The following ADAMTSL3 variants were observed in gnomAD, a reference collection of about 807,000 sequenced individuals.
ADAMTSL3 encodes ADAMTS-like protein 3.
A neutral mutation model predicts 201.7 loss-of-function variants in ADAMTSL3; 128 were observed. The ratio of observed to expected loss-of-function variants is 0.63; its 90% CI spans 0.55 to 0.73. The LOEUF (loss-of-function observed/expected upper bound fraction) is 0.73. ADAMTSL3 is among the 30% of genes least tolerant of loss of function. The probability of loss-of-function intolerance (pLI) is 0.00; values close to 1 mark genes in which losing one functional copy is unlikely to be tolerated. For missense variants in ADAMTSL3, 1,990 were observed against 2,119.6 expected (o/e 0.94, Z 1.20); for synonymous variants, 738 against 748.4 (o/e 0.99, Z 0.23).
intron 5 of ADAMTSL3, among the ~76,000 whole-genome samples, chr15:83,810,295 C>A (rs1232510983): frequency 6.6e-6 from 1 of 152,178 alleles, no homozygotes; most frequent in East Asian, 1.9e-4. Context: ...AATTAACATT[C>A]ATTCATTGTG....
intron 3 of ADAMTSL3, among the ~76,000 whole-genome samples, chr15:83,753,186 C>CA (rs2062665757): frequency 6.6e-6 from 1 of 152,180 alleles, no homozygotes; most frequent in African/African-American, 2.4e-5. Flanking sequence ...CTGAACCATG[C>CA]AGCAGTCATC....
intron 26 of ADAMTSL3, among the ~76,000 whole-genome samples, chr15:84,022,817 G>T (rs2068229827): frequency 1.3e-5 from 2 of 152,072 alleles, no homozygotes; most frequent in South Asian, 4.2e-4. Flanking sequence ...TTCCATGCTG[G>T]TCTTTTTTTG....
intron 3 of ADAMTSL3, among the ~76,000 whole-genome samples, chr15:83,772,474 A>G (rs2063000456): frequency 6.6e-6 from 1 of 152,146 alleles, no homozygotes; most frequent in African/African-American, 2.4e-5. Context: ...AATTAAGTCA[A>G]TGGTGGAAAG....
chr15:83,958,406 C>T (rs1437870455), intron 19 of ADAMTSL3, among the ~76,000 whole-genome samples: 2 of 152,132 alleles, frequency 1.3e-5, no homozygotes, highest in African/African-American at 4.8e-5. Flanking sequence ...AAGAGATGTT[C>T]AGATCCTTGG....
At chr15:83,838,504 A>G (rs1033630269) in intron 7 of ADAMTSL3, among the ~76,000 whole-genome samples, 2 of 152,142 alleles carry the variant, frequency 1.3e-5, no homozygotes, top group African/African-American at 4.8e-5. Flanking sequence ...AATTTCTTTT[A>G]TTTGTCTTCC....
chr15:83,728,225 C>G (rs972047180), intron 3 of ADAMTSL3, among the ~76,000 whole-genome samples: 5 of 150,968 alleles, frequency 3.3e-5, no homozygotes, highest in Admixed American at 1.3e-4. Context: ...TTTTTCATCC[C>G]TTTTTTTCAG....
chr15:83,792,837 T>A (rs546511881), intron 4 of ADAMTSL3, among the ~76,000 whole-genome samples: 5 of 151,826 alleles, frequency 3.3e-5, no homozygotes, highest in Middle Eastern at 3.4e-3. Flanking sequence ...CACTATTGGA[T>A]ATATATCCAA....
chr15:83,925,284 A>G (rs958492429), intron 17 of ADAMTSL3, among the ~76,000 whole-genome samples: 1 of 152,174 alleles, frequency 6.6e-6, no homozygotes, highest in African/African-American at 2.4e-5. Context: ...CACACCCGCC[A>G]TGTAATGTAG....
chr15:83,934,517 C>T (rs1238227682), intron 17 of ADAMTSL3, among the ~76,000 whole-genome samples: 1 of 152,146 alleles, frequency 6.6e-6, no homozygotes, highest in East Asian at 1.9e-4. Context: ...TAGGCCAATG[C>T]TGGAATGAAT....
intron 1 of ADAMTSL3, 122 bp from the exon 2 acceptor site, chr15:83,655,607 A>T: frequency 1.4e-6 from 1 of 720,550 alleles, no homozygotes; most frequent in Non-Finnish European, 2.3e-6. Context: ...CTGGGCCAAC[A>T]CAAACCTTTC....
intron 3 of ADAMTSL3, among the ~76,000 whole-genome samples, chr15:83,756,104 G>T (rs1462537206): frequency 6.6e-6 from 1 of 152,190 alleles, no homozygotes; most frequent in African/African-American, 2.4e-5. Context: ...CAGTGGAATT[G>T]CTGGATCATA....
intron 4 of ADAMTSL3, among the ~76,000 whole-genome samples, chr15:83,777,320 C>T (rs1311673517): frequency 6.6e-6 from 1 of 152,226 alleles, no homozygotes; most frequent in Non-Finnish European, 1.5e-5. Context: ...ATGGATCCCA[C>T]TGTCATCAAG....
chr15:83,688,660 T>A (rs1199965764), intron 2 of ADAMTSL3, among the ~76,000 whole-genome samples: 1 of 151,934 alleles, frequency 6.6e-6, no homozygotes, highest in Non-Finnish European at 1.5e-5. Context: ...TCCTCCTTAT[T>A]TATCTATTGA....
At chr15:83,997,501 A>G (rs2067709578) in intron 23 of ADAMTSL3, among the ~76,000 whole-genome samples, 1 of 152,198 alleles carries the variant, frequency 6.6e-6, no homozygotes, top group Non-Finnish European at 1.5e-5. Flanking sequence ...AGGCAGGAGA[A>G]TCGCTTGAAC....
intron 2 of ADAMTSL3, among the ~76,000 whole-genome samples, chr15:83,693,632 A>G (rs1367099178): frequency 6.6e-6 from 1 of 152,196 alleles, no homozygotes; most frequent in African/African-American, 2.4e-5. Context: ...TCTGCCCTGA[A>G]CACTCTATTT....
intron 17 of ADAMTSL3, among the ~76,000 whole-genome samples, chr15:83,934,146 GACA>G (rs2142013586): frequency 6.6e-6 from 1 of 152,282 alleles, no homozygotes; most frequent in East Asian, 1.9e-4. Flanking sequence ...AAAAGCTGCA[GACA>G]ACGTCAGCCC....
intron 9 of ADAMTSL3, among the ~76,000 whole-genome samples, chr15:83,883,043 T>G (rs572788472): frequency 1.3e-5 from 2 of 152,104 alleles, no homozygotes; most frequent in East Asian, 3.9e-4. Context: ...TATTCCTTAT[T>G]AAAATTCCCT....
At chr15:83,845,201 T>C (rs1231108553) in intron 7 of ADAMTSL3, among the ~76,000 whole-genome samples, 1 of 152,278 alleles carries the variant, frequency 6.6e-6, no homozygotes, top group African/African-American at 2.4e-5. Flanking sequence ...TTCTGTTTAG[T>C]TCTTGCTTAG....
In ADAMTSL3 at chr15:83,899,732, G is replaced by A. The variant is rs936443793; in HGVS notation, c.1700+1G>A. 2.5e-6 allele frequency: 4 copies of A among 1,610,084 alleles called. No individual in the cohort carries two copies. The highest frequency in any genetic ancestry group is 1.1e-5 in the South Asian group (1 of 90,550). ...CCAGAATAGCAACAGAAGAACCAAC[G>A]TGAGTCCAGGACCTTTTGTAGGAAT... On this transcript the variant is annotated splice_donor_variant, in intron 15 of 29. Transcript: ENST00000286744. LOFTEE classifies it high-confidence loss of function.
Sources: gnomAD v4.1 joint callset for allele counts (sites outside exome capture counted in the v4.1 genomes callset) on GRCh38, gnomAD v4.1.1 for gene constraint, MANE v1.5 for transcripts, NCBI Gene and HGNC (gene_info 2026-07-23, HGNC 2026-07-21) for gene names.